ZNF721: variants seen among roughly 807,000 people sequenced by gnomAD.
ZNF721 encodes zinc finger protein 721.
A neutral mutation model predicts 2.4 loss-of-function variants in ZNF721; 2 were observed. The ratio of observed to expected loss-of-function variants is 0.82; its 90% confidence interval spans 0.34 to 2.58. The LOEUF (loss-of-function observed/expected upper bound fraction) is 2.58. ZNF721 is among the 30% of genes most tolerant of loss of function. The pLI, the probability that ZNF721 is intolerant of heterozygous loss-of-function variation, is 0.11. For synonymous variants in ZNF721, 398 were observed against 381.8 expected (o/e 1.04, Z -0.50); for missense variants, 1,187 against 1,085.5 (o/e 1.09, Z -1.31).
At chr4:446,647 G>A (rs1009201111) in intron 2 of ZNF721, among the ~76,000 whole-genome samples, 4 of 151,972 alleles carry the variant, frequency 2.6e-5, no homozygotes, top group Non-Finnish European at 5.9e-5. Flanking sequence ...CAAAAGTGCT[G>A]GGATTGCAGG....
chr4:450,959 ATATATATATATATAT>A (rs1714640455), intron 2 of ZNF721, among the ~76,000 whole-genome samples: 21 of 22,148 alleles, frequency 9.5e-4, no homozygotes, highest in African/African-American at 2.2e-3. Flanking sequence ...AAAAAAAAAT[ATATATATATATATAT>A]ATATATATAT....
intron 1 of ZNF721, among the ~76,000 whole-genome samples, chr4:492,840 A>G (rs1274838052): frequency 6.6e-6 from 1 of 150,906 alleles, no homozygotes; most frequent in South Asian, 2.1e-4. Context: ...CTTTATTTAC[A>G]TCTTTCTTAT....
intron 1 of ZNF721, among the ~76,000 whole-genome samples, chr4:497,806 G>T (rs2108729036): frequency 6.6e-6 from 1 of 152,180 alleles, no homozygotes; most frequent in Non-Finnish European, 1.5e-5. Flanking sequence ...GCTGCGGTAG[G>T]AAAATGGCGT....
chr4:467,907 C>T (rs559596053), intron 2 of ZNF721, among the ~76,000 whole-genome samples: 174 of 152,002 alleles, frequency 1.1e-3, no homozygotes, highest in Non-Finnish European at 1.9e-3. Flanking sequence ...GAGGCCGAGG[C>T]GGGCAAATCA....
rs565112690 is a variant in ZNF721 at position 458,491 on chromosome 4, G to A, written c.35-14059C>T. The stretch of plus-strand genomic sequence containing the variant: ...AAACAAGGCTTCATGACTTATGAAG[G>A]ATCAGGCAAACATAACACCACTAAA... On this transcript the variant is annotated intron_variant, in intron 2 of 2. Transcript: ENST00000511833. Among the ~76,000 whole-genome samples the A allele has an allele frequency of 2.0e-5, 3 of 152,236 alleles. No homozygotes were observed. The East Asian group carries it at 5.8e-4, about 29-fold the overall frequency.
chr4:465,576 C>T (rs1318901604), intron 2 of ZNF721, among the ~76,000 whole-genome samples: 1 of 151,906 alleles, frequency 6.6e-6, no homozygotes, highest in African/African-American at 2.4e-5. Context: ...GGACTACAGG[C>T]ATCCACCACC....
At chr4:485,789 C>T (rs1460136364) in intron 1 of ZNF721, among the ~76,000 whole-genome samples, 5 of 152,124 alleles carry the variant, frequency 3.3e-5, no homozygotes, top group African/African-American at 1.2e-4. Context: ...TCCTGGCCAA[C>T]ATGGGTGAAA....
At chr4:493,046 T>C (rs1553871725) in intron 1 of ZNF721, among the ~76,000 whole-genome samples, 1 of 152,004 alleles carries the variant, frequency 6.6e-6, no homozygotes, top group Non-Finnish European at 1.5e-5. Context: ...ATGACCAGTT[T>C]GTCCACAAGT....
intron 2 of ZNF721, among the ~76,000 whole-genome samples, chr4:458,840 C>T (rs1260944235): frequency 6.8e-6 from 1 of 147,270 alleles, no homozygotes; most frequent in East Asian, 2.0e-4. Context: ...AGCAAGACTC[C>T]GTCTAAAGAA....
At chr4:477,972 C>G (rs1283319253) in intron 1 of ZNF721, among the ~76,000 whole-genome samples, 1 of 152,122 alleles carries the variant, frequency 6.6e-6, no homozygotes, top group African/African-American at 2.4e-5. Context: ...GGGACAAAGG[C>G]AAAGATTTAC....
intron 1 of ZNF721, among the ~76,000 whole-genome samples, chr4:480,541 A>G (rs1341806212): frequency 6.6e-6 from 1 of 151,658 alleles, no homozygotes; most frequent in African/African-American, 2.4e-5. Context: ...CCCCTGAAGC[A>G]TTAACTGCCC....
At chr4:461,273 TC>T (rs1271978721) in intron 2 of ZNF721, among the ~76,000 whole-genome samples, 1 of 152,184 alleles carries the variant, frequency 6.6e-6, no homozygotes, top group Non-Finnish European at 1.5e-5. Context: ...CTCAGCTTCA[TC>T]CCTAGCATGA....
At position 440,132 on chromosome 4, in the gene ZNF721, T is replaced by G. The variant is rs1169938268; in HGVS notation, c.*1563A>C. Reference sequence around the variant, plus strand: ...TTACTACTAAAATTCAGATTCTCTCTCAGTATAACGCAAAGTATTACTCTG... The same window carrying G: ...TTACTACTAAAATTCAGATTCTCTCGCAGTATAACGCAAAGTATTACTCTG... On this transcript the variant is annotated 3_prime_UTR_variant, in exon 3 of 3. Coordinates refer to ENST00000511833, the MANE Select transcript of ZNF721 (RefSeq NM_133474.4). 1.3e-5 allele frequency: 2 copies of G among 152,212 alleles called. No individual in the cohort carries two copies. Among genetic ancestry groups the G allele is most frequent in the Non-Finnish European group, 2.9e-5 (2 of 68,040 alleles). The allele number at this position is 152,212 out of a possible 1,614,324, so 9.4% of individuals were successfully genotyped here. A position where few individuals can be genotyped will look rare whatever the true frequency, so the allele number is the denominator to read the frequency against.
At chr4:468,889 C>T (rs1159105482) in intron 2 of ZNF721, among the ~76,000 whole-genome samples, 1 of 152,138 alleles carries the variant, frequency 6.6e-6, no homozygotes, top group Non-Finnish European at 1.5e-5. Flanking sequence ...TCTATCTTAA[C>T]ATTATTACCA....
chr4:496,050 T>C (rs1186585997), intron 1 of ZNF721, among the ~76,000 whole-genome samples: 1 of 152,236 alleles, frequency 6.6e-6, no homozygotes, highest in Non-Finnish European at 1.5e-5. Flanking sequence ...GGCGTTGTTA[T>C]GTAAATAAAA....
At chr4:496,421 T>C (rs1716154106) in intron 1 of ZNF721, among the ~76,000 whole-genome samples, 1 of 152,024 alleles carries the variant, frequency 6.6e-6, no homozygotes, top group Non-Finnish European at 1.5e-5. Context: ...TATGTTCTTC[T>C]GGGGGGGAAA....
At chr4:472,782 GTGAC>G (rs1553867968) in intron 1 of ZNF721, 81 bp from the exon 2 acceptor site, 1 of 1,561,570 alleles carries the variant, frequency 6.4e-7, no homozygotes, top group African/African-American at 1.4e-5. Context: ...GTTCTGACAT[GTGAC>G]TGACTGGGAT....
intron 1 of ZNF721, among the ~76,000 whole-genome samples, chr4:491,735 T>C (rs373725186): frequency 6.6e-6 from 1 of 152,206 alleles, no homozygotes; most frequent in Admixed American, 6.5e-5. Flanking sequence ...CAAAGGAACA[T>C]TGTGTTTAAG....
At chr4:470,996 C>T (rs542058058) in intron 2 of ZNF721, among the ~76,000 whole-genome samples, 52 of 144,500 alleles carry the variant, frequency 3.6e-4, no homozygotes, top group African/African-American at 1.3e-3. Context: ...AAGACTCTGT[C>T]TCAAAAAAAA....
Sources: allele counts gnomAD v4.1 joint callset (sites outside exome capture counted in the v4.1 genomes callset), GRCh38; gene constraint gnomAD v4.1.1; transcripts MANE v1.5; gene names NCBI Gene and HGNC (gene_info 2026-07-23, HGNC 2026-07-21).